HECW1: variants seen among roughly 807,000 people sequenced by gnomAD.
HECW1 encodes E3 ubiquitin-protein ligase HECW1.
In HECW1, 61 loss-of-function variants were observed where a neutral mutation model predicts 182.3. That is an observed-to-expected ratio of 0.33 (90% confidence interval 0.27 to 0.41). The LOEUF is 0.41. Among genes scored for constraint, HECW1 ranks in the 10% least tolerant of loss-of-function variants. The pLI is 1.00. For missense variants in HECW1, 1,739 were observed against 2,108.9 expected (o/e 0.82, Z 3.44); for synonymous variants, 859 against 832.6 (o/e 1.03, Z -0.55).
chr7:43,416,317 G>T (rs1416481043), intron 8 of HECW1, among the ~76,000 whole-genome samples: 22 of 151,330 alleles, frequency 1.5e-4, no homozygotes, highest in Non-Finnish European at 2.5e-4. Flanking sequence ...CCCTGCTGGG[G>T]GGTGCCTCCC....
intron 2 of HECW1, among the ~76,000 whole-genome samples, chr7:43,184,485 A>C (rs752663423): frequency 6.6e-6 from 1 of 152,204 alleles, no homozygotes; most frequent in Non-Finnish European, 1.5e-5. Context: ...AATCCTTGGA[A>C]TCTCTGGAAT....
intron 5 of HECW1, among the ~76,000 whole-genome samples, chr7:43,337,206 T>C (rs1235035182): frequency 6.6e-6 from 1 of 152,184 alleles, no homozygotes; most frequent in Non-Finnish European, 1.5e-5. Context: ...CCAACATCCA[T>C]TGTTTTTTGA....
chr7:43,475,466 A>G (rs1456427077), intron 16 of HECW1, among the ~76,000 whole-genome samples: 1 of 152,370 alleles, frequency 6.6e-6, no homozygotes, highest in Non-Finnish European at 1.5e-5. Flanking sequence ...TAGAAAGGAT[A>G]TACTCAAAGA....
intron 5 of HECW1, among the ~76,000 whole-genome samples, chr7:43,341,131 A>G (rs994583186): frequency 4.0e-5 from 6 of 151,730 alleles, no homozygotes; most frequent in South Asian, 4.1e-4. Context: ...GACACAGGGC[A>G]GGGAATATCA....
At chr7:43,289,128 G>A (rs527483485) in intron 3 of HECW1, among the ~76,000 whole-genome samples, 27 of 145,012 alleles carry the variant, frequency 1.9e-4, no homozygotes, top group Non-Finnish European at 3.0e-4. Flanking sequence ...TTTTGAGACA[G>A]AGTATCGATC....
intron 3 of HECW1, among the ~76,000 whole-genome samples, chr7:43,293,194 T>C (rs891476692): frequency 8.0e-6 from 1 of 124,670 alleles, no homozygotes; most frequent in Non-Finnish European, 1.6e-5. Context: ...CGCTCCAGCC[T>C]GGGCGACACA....
intron 2 of HECW1, among the ~76,000 whole-genome samples, chr7:43,140,663 G>C (rs575877826): frequency 7.9e-5 from 12 of 152,310 alleles, no homozygotes; most frequent in African/African-American, 1.9e-4. Context: ...TCTCCCACGA[G>C]ATTAGGAGAA....
chr7:43,483,599 A>T (rs897755286), intron 17 of HECW1, among the ~76,000 whole-genome samples: 1 of 134,412 alleles, frequency 7.4e-6, no homozygotes, highest in Non-Finnish European at 1.5e-5. Context: ...CCCAGGCTGG[A>T]GTGCAGTGGT....
intron 3 of HECW1, among the ~76,000 whole-genome samples, chr7:43,255,200 T>A (rs1800427512): frequency 6.6e-6 from 1 of 152,212 alleles, no homozygotes; most frequent in Non-Finnish European, 1.5e-5. Flanking sequence ...GGAATTCTAC[T>A]TCCAAGCAAA....
intron 18 of HECW1, 42 bp downstream of exon 18, chr7:43,492,222 C>A (rs1452529505): frequency 7.4e-7 from 1 of 1,347,934 alleles, no homozygotes; most frequent in South Asian, 1.3e-5. Flanking sequence ...CAAAGAATAG[C>A]AACACCTAGA....
intron 2 of HECW1, chr7:43,118,098 A>ATC (rs1785221036): frequency 6.5e-6 from 1 of 152,678 alleles, no homozygotes. Flanking sequence ...ATCTGTGCCC[A>ATC]TGATGACAAA....
In HECW1 at chr7:43,193,489, C is replaced by A. The variant is rs1583903200; in HGVS notation, c.-31-50386C>A. Among the ~76,000 whole-genome samples, 8 of 152,218 alleles carry A rather than the reference C, an allele frequency of 5.3e-5. No homozygotes were observed. The South Asian group carries it at 1.7e-3, about 32-fold the overall frequency. On this transcript the variant is annotated intron_variant, in intron 2 of 29. Coordinates refer to ENST00000395891, the MANE Select transcript of HECW1 (RefSeq NM_015052.5). ...CTCTGTCTCCGGGGTTCAAACAATT[C>A]TCCTGCCTCAGCCTCCTAAGTAGCT...
intron 2 of HECW1, among the ~76,000 whole-genome samples, chr7:43,165,332 C>T (rs1278982638): frequency 1.3e-5 from 2 of 150,726 alleles, no homozygotes; most frequent in Non-Finnish European, 2.9e-5. Context: ...CTTTAGAACA[C>T]TGTGTATGAA....
chr7:43,282,964 A>G (rs535772369), intron 3 of HECW1, among the ~76,000 whole-genome samples: 89 of 152,220 alleles, frequency 5.8e-4, no homozygotes, highest in African/African-American at 2.0e-3. Context: ...CTAAAAATAC[A>G]TAAGTTAGCT....
chr7:43,518,713 A>G (rs2080287224), intron 24 of HECW1, among the ~76,000 whole-genome samples: 1 of 152,190 alleles, frequency 6.6e-6, no homozygotes, highest in Non-Finnish European at 1.5e-5. Flanking sequence ...AATATGAAAA[A>G]GTTGGTCAGA....
intron 8 of HECW1, among the ~76,000 whole-genome samples, chr7:43,424,933 C>T (rs1277294414): frequency 1.3e-5 from 2 of 151,984 alleles, no homozygotes; most frequent in South Asian, 2.1e-4. Flanking sequence ...AAATTATTAA[C>T]GCATCCATCC....
chr7:43,197,972 A>G (rs955526767), intron 2 of HECW1, among the ~76,000 whole-genome samples: 11 of 151,812 alleles, frequency 7.2e-5, no homozygotes, highest in African/African-American at 2.7e-4. Flanking sequence ...GACAACCCAC[A>G]TCTTTCCTGC....
intron 17 of HECW1, among the ~76,000 whole-genome samples, chr7:43,479,988 T>C (rs1236024896): frequency 6.6e-6 from 1 of 152,152 alleles, no homozygotes; most frequent in Non-Finnish European, 1.5e-5. Flanking sequence ...TAAAAACCTG[T>C]CTAGTTGAAA....
chr7:43,168,886 A>G (rs1234771152), intron 2 of HECW1, among the ~76,000 whole-genome samples: 1 of 152,162 alleles, frequency 6.6e-6, no homozygotes, highest in African/African-American at 2.4e-5. Context: ...GTGAAATAAA[A>G]CATTTAAGGG....
Sources: allele counts gnomAD v4.1 joint callset (sites outside exome capture counted in the v4.1 genomes callset), GRCh38; gene constraint gnomAD v4.1.1; transcripts MANE v1.5; gene names NCBI Gene and HGNC (gene_info 2026-07-23, HGNC 2026-07-21).